CACNA2D3: variants seen among roughly 807,000 people sequenced by gnomAD.
CACNA2D3 encodes voltage-dependent calcium channel subunit alpha-2/delta-3.
In CACNA2D3, 60 loss-of-function variants were observed where a neutral mutation model predicts 160.6. The observed-to-expected ratio is 0.37, with a 90% CI of 0.30 to 0.46. The LOEUF (loss-of-function observed/expected upper bound fraction) is 0.46. Ranked by LOEUF, CACNA2D3 falls within the 20% of genes least tolerant of loss-of-function variation. CACNA2D3 has a pLI of 1.00. For missense variants in CACNA2D3, 1,205 were observed against 1,365.0 expected (o/e 0.88, Z 1.85); for synonymous variants, 558 against 492.9 (o/e 1.13, Z -1.75).
At chr3:54,893,413 T>TTCC (rs398071824) in intron 25 of CACNA2D3, among the ~76,000 whole-genome samples, 2 of 151,572 alleles carry the variant, frequency 1.3e-5, no homozygotes, top group African/African-American at 4.9e-5. Flanking sequence ...GGATGAAATC[T>TTCC]GTCTTCAAGA....
intron 31 of CACNA2D3, among the ~76,000 whole-genome samples, chr3:55,001,828 A>C (rs1441371874): frequency 6.6e-6 from 1 of 152,202 alleles, no homozygotes; most frequent in African/African-American, 2.4e-5. Context: ...AAGTCAGGAA[A>C]CGAAGCCTTT....
At chr3:54,648,047 A>G (rs1045431381) in intron 11 of CACNA2D3, among the ~76,000 whole-genome samples, 17 of 152,214 alleles carry the variant, frequency 1.1e-4, no homozygotes, top group African/African-American at 4.1e-4. Flanking sequence ...ACTAAAAAAA[A>G]GGAAAAGTCA....
intron 3 of CACNA2D3, 96 bp from the exon 4 acceptor site, chr3:54,386,619 C>A: frequency 8.8e-7 from 1 of 1,131,030 alleles, no homozygotes; most frequent in Admixed American, 2.4e-5. Flanking sequence ...GTATGAACCA[C>A]GATATAATAT....
chr3:54,560,659 G>C (rs1179830253), intron 5 of CACNA2D3, among the ~76,000 whole-genome samples: 3 of 152,172 alleles, frequency 2.0e-5, no homozygotes, highest in Non-Finnish European at 4.4e-5. Flanking sequence ...CTGTGCCTGT[G>C]TCCTGAATGG....
intron 3 of CACNA2D3, among the ~76,000 whole-genome samples, chr3:54,359,304 G>A (rs1215734574): frequency 6.6e-6 from 1 of 152,170 alleles, no homozygotes; most frequent in Non-Finnish European, 1.5e-5. Context: ...AGGTCTGGGA[G>A]ATAAACTTTT....
chr3:54,839,744 C>T (rs1472658857), intron 16 of CACNA2D3, among the ~76,000 whole-genome samples: 1 of 152,140 alleles, frequency 6.6e-6, no homozygotes, highest in African/African-American at 2.4e-5. Flanking sequence ...TCCTGGGCCT[C>T]AGGTGGAGGC....
chr3:54,945,540 A>T (rs924702575), intron 27 of CACNA2D3, among the ~76,000 whole-genome samples: 1 of 152,006 alleles, frequency 6.6e-6, no homozygotes, highest in East Asian at 1.9e-4. Flanking sequence ...GGAGGCCTGG[A>T]CTTCTTTCCA....
chr3:54,976,648 C>T (rs937926247), intron 29 of CACNA2D3, among the ~76,000 whole-genome samples: 1 of 152,116 alleles, frequency 6.6e-6, no homozygotes, highest in African/African-American at 2.4e-5. Flanking sequence ...TTATTAGTGA[C>T]AGTCATGTTT....
At chr3:54,997,346 C>T (rs1454535080) in intron 31 of CACNA2D3, among the ~76,000 whole-genome samples, 2 of 152,018 alleles carry the variant, frequency 1.3e-5, no homozygotes, top group East Asian at 1.9e-4. Context: ...AAAAAATAGC[C>T]CCACCCCAGA....
chr3:54,673,100 G>A (rs1700188099), intron 11 of CACNA2D3, among the ~76,000 whole-genome samples: 1 of 152,312 alleles, frequency 6.6e-6, no homozygotes, highest in East Asian at 1.9e-4. Flanking sequence ...ATTTGTCTTT[G>A]GAGATGGAAT....
chr3:54,145,149 T>C (rs184344234), intron 2 of CACNA2D3, among the ~76,000 whole-genome samples: 83 of 152,374 alleles, frequency 5.4e-4, no homozygotes, highest in Admixed American at 1.3e-3. Flanking sequence ...ACTGTCTGTT[T>C]AAGCTCCCAA....
chr3:54,378,439 C>T (rs1386921396), intron 3 of CACNA2D3, among the ~76,000 whole-genome samples: 2 of 152,156 alleles, frequency 1.3e-5, no homozygotes. Flanking sequence ...CAGCCCAGTT[C>T]CTAACAGGCC....
rs1371897922 is a variant in CACNA2D3, at chr3:54,778,983, C to T, written c.1380+14632C>T. On this transcript the variant is annotated intron_variant, in intron 13 of 37. Coordinates refer to ENST00000474759, the MANE Select transcript of CACNA2D3 (RefSeq NM_018398.3). ...AAAAAGATCTGAATTCATGTGTCCA[C>T]GGTTTGAGGAGCTAAGATAATGGCA... Among the ~76,000 whole-genome samples, 6 of 152,122 alleles carry T rather than the reference C, an allele frequency of 3.9e-5. No homozygotes were observed. In the East Asian group the frequency reaches 9.6e-4, roughly 24 times the overall value.
chr3:54,419,358 A>C (rs1269608720), intron 4 of CACNA2D3, among the ~76,000 whole-genome samples: 1 of 152,246 alleles, frequency 6.6e-6, no homozygotes, highest in Non-Finnish European at 1.5e-5. Context: ...CTGTGCAGTC[A>C]GCCAGTTTTG....
intron 13 of CACNA2D3, among the ~76,000 whole-genome samples, chr3:54,798,143 C>A (rs1485413271): frequency 2.0e-5 from 3 of 152,160 alleles, no homozygotes; most frequent in Admixed American, 1.3e-4. Context: ...GCTTTTTGAT[C>A]ATTAAACTTC....
intron 27 of CACNA2D3, among the ~76,000 whole-genome samples, chr3:54,963,837 A>C (rs1326007113): frequency 6.6e-6 from 1 of 152,150 alleles, no homozygotes; most frequent in Non-Finnish European, 1.5e-5. Flanking sequence ...TAAACATGGG[A>C]GAAAGGAATG....
chr3:54,911,077 C>G (rs1158592776), intron 27 of CACNA2D3, among the ~76,000 whole-genome samples: 1 of 152,090 alleles, frequency 6.6e-6, no homozygotes. Context: ...TAAATCAAAT[C>G]TTAGTCATTA....
intron 13 of CACNA2D3, among the ~76,000 whole-genome samples, chr3:54,803,222 C>G (rs960818299): frequency 6.6e-6 from 1 of 152,176 alleles, no homozygotes; most frequent in Non-Finnish European, 1.5e-5. Context: ...ATGACTTTGA[C>G]GAGTTGAGGG....
chr3:54,590,613 T>TTAC (rs1264294046), intron 9 of CACNA2D3, among the ~76,000 whole-genome samples: 2 of 151,478 alleles, frequency 1.3e-5, no homozygotes, highest in Non-Finnish European at 2.9e-5. Context: ...ATTATTATTA[T>TTAC]TATTATTTTA....
Sources: gnomAD v4.1 joint callset for allele counts (sites outside exome capture counted in the v4.1 genomes callset) on GRCh38, gnomAD v4.1.1 for gene constraint, MANE v1.5 for transcripts, NCBI Gene and HGNC (gene_info 2026-07-23, HGNC 2026-07-21) for gene names.